Variants in GPC6 observed in about 807,000 individuals in gnomAD.
The protein encoded by GPC6 is glypican-6.
GPC6 carries 14 observed loss-of-function variants against 55.2 expected under a neutral mutation model. That is an observed-to-expected ratio of 0.25 (90% CI 0.17 to 0.40). The LOEUF is 0.40. GPC6 is among the 10% of genes least tolerant of loss of function. The pLI is 1.00. For synonymous variants in GPC6, 278 were observed against 259.6 expected (o/e 1.07, Z -0.68); for missense variants, 641 against 708.5 (o/e 0.90, Z 1.08).
chr13:93,443,624 G>C (rs1025431740), intron 1 of GPC6, among the ~76,000 whole-genome samples: 1 of 152,168 alleles, frequency 6.6e-6, no homozygotes, highest in Non-Finnish European at 1.5e-5. Context: ...TTTAAAATGA[G>C]AGTGAAATTT....
chr13:94,246,707 C>A (rs1371510563), intron 4 of GPC6, among the ~76,000 whole-genome samples: 1 of 151,946 alleles, frequency 6.6e-6, no homozygotes, highest in African/African-American at 2.4e-5. Flanking sequence ...TATTCTGTTC[C>A]ACTGGTCTAT....
chr13:93,926,358 A>G (rs1877859817), intron 3 of GPC6, among the ~76,000 whole-genome samples: 1 of 152,248 alleles, frequency 6.6e-6, no homozygotes, highest in Non-Finnish European at 1.5e-5. Flanking sequence ...TGCTAGAAAT[A>G]GACAAATAGT....
Position 93,832,789 on chromosome 13 carries a change from G to C in GPC6, c.711+2244G>C, listed in dbSNP as rs1353539807. On this transcript the variant is annotated intron_variant, in intron 3 of 8. Transcript: ENST00000377047. ...TGACCTCATGAGCCAACCATCAGTA[G>C]AGTATGACCTTTTTCTCTAGAAGTG... Among the ~76,000 whole-genome samples the C allele has an allele frequency of 2.6e-5, 4 of 152,170 alleles. No individual in the cohort carries two copies. In the East Asian group the frequency reaches 5.8e-4, roughly 22 times the overall value.
At chr13:94,332,006 CT>C (rs1373545909) in intron 6 of GPC6, among the ~76,000 whole-genome samples, 3 of 152,146 alleles carry the variant, frequency 2.0e-5, no homozygotes, top group Admixed American at 1.3e-4. Context: ...CCATCTGAGT[CT>C]CAGTCATTGC....
chr13:93,898,932 T>C lies in GPC6; in HGVS notation c.711+68387T>C, dbSNP rs1265729569. On this transcript the variant is annotated intron_variant, in intron 3 of 8. Transcript: ENST00000377047. ...GCAGATTTGGGATATATAAAAATAT[T>C]ATATATAAATATATATATATATATA... Among the ~76,000 whole-genome samples the C allele has an allele frequency of 4.5e-5, 4 of 88,444 alleles. No individual in the cohort carries two copies. The East Asian group carries it at 8.7e-4, about 19-fold the overall frequency. 58.0% of individuals were successfully genotyped at this position (88,444 alleles called of 152,430 possible). A position where few individuals can be genotyped will look rare whatever the true frequency, so the allele number is the denominator to read the frequency against.
At chr13:93,668,620 TG>T (rs1231612849) in intron 2 of GPC6, among the ~76,000 whole-genome samples, 1 of 152,078 alleles carries the variant, frequency 6.6e-6, no homozygotes, top group African/African-American at 2.4e-5. Context: ...GAGACCGCCA[TG>T]TGAATATGGA....
intron 2 of GPC6, among the ~76,000 whole-genome samples, chr13:93,702,554 C>G (rs1375346920): frequency 6.6e-6 from 1 of 151,984 alleles, no homozygotes; most frequent in Non-Finnish European, 1.5e-5. Context: ...ATTGATTTTT[C>G]CTCTCCAGCT....
At chr13:93,504,452 C>T (rs959990661) in intron 1 of GPC6, among the ~76,000 whole-genome samples, 1 of 150,198 alleles carries the variant, frequency 6.7e-6, no homozygotes, top group Non-Finnish European at 1.5e-5. Context: ...GCATATTCTG[C>T]CAACACATTA....
In GPC6 at chr13:93,993,076, G is replaced by T. The variant is rs550965052; in HGVS notation, c.712-34653G>T. On this transcript the variant is annotated intron_variant, in intron 3 of 8. Transcript: ENST00000377047. ...AATAAGCCCTTAGAGCTAGGAAATG[G>T]TAGTTGATTAGATTTTTTCCTTACT... 2.6e-5 allele frequency among the ~76,000 whole-genome samples: 4 copies of T among 152,188 alleles called. No homozygotes were observed. In the South Asian group the frequency reaches 8.3e-4, roughly 32 times the overall value.
At chr13:93,260,898 CT>C (rs1057246672) in intron 1 of GPC6, among the ~76,000 whole-genome samples, 2 of 151,926 alleles carry the variant, frequency 1.3e-5, no homozygotes, top group Non-Finnish European at 2.9e-5. Context: ...TATTTTCTTC[CT>C]TTTTTGGTAG....
chr13:93,804,358 G>A (rs56003695), intron 2 of GPC6, among the ~76,000 whole-genome samples: 4,398 of 151,996 alleles, frequency 0.029, 198 homozygotes, highest in East Asian at 0.16. Flanking sequence ...TAAGGAGTAG[G>A]GTCCACCATT....
chr13:94,326,829 G>A (rs1877144621), intron 6 of GPC6, among the ~76,000 whole-genome samples: 2 of 152,202 alleles, frequency 1.3e-5, no homozygotes, highest in South Asian at 2.1e-4. Flanking sequence ...AGGAGATTTC[G>A]AAGAGTCTTT....
intron 4 of GPC6, among the ~76,000 whole-genome samples, chr13:94,256,336 A>C (rs1891503385): frequency 6.6e-6 from 1 of 152,198 alleles, no homozygotes; most frequent in South Asian, 2.1e-4. Flanking sequence ...CTGGAGCAGA[A>C]TGAGGGGACC....
chr13:93,350,420 C>T (rs1276162168), intron 1 of GPC6, among the ~76,000 whole-genome samples: 3 of 151,998 alleles, frequency 2.0e-5, no homozygotes, highest in African/African-American at 4.8e-5. Context: ...GGTGACAGAG[C>T]GAGACTCCAT....
intron 4 of GPC6, among the ~76,000 whole-genome samples, chr13:94,211,945 CT>C (rs1433990251): frequency 1.3e-5 from 2 of 152,124 alleles, no homozygotes; most frequent in African/African-American, 2.4e-5. Flanking sequence ...TGCACAAATT[CT>C]TGGTTAAGGG....
At chr13:94,140,641 G>T (rs966478596) in intron 4 of GPC6, among the ~76,000 whole-genome samples, 1 of 152,044 alleles carries the variant, frequency 6.6e-6, no homozygotes, top group African/African-American at 2.4e-5. Flanking sequence ...ATTTAGACCC[G>T]AAGGCACTGT....
intron 1 of GPC6, among the ~76,000 whole-genome samples, chr13:93,476,403 G>T (rs1385962441): frequency 6.6e-6 from 1 of 152,012 alleles, no homozygotes; most frequent in Non-Finnish European, 1.5e-5. Context: ...TCATCCATTG[G>T]CATGTCAGTA....
chr13:93,533,132 G>A (rs1881931824), intron 1 of GPC6, among the ~76,000 whole-genome samples: 1 of 152,118 alleles, frequency 6.6e-6, no homozygotes, highest in Admixed American at 6.5e-5. Context: ...ACTGAAAAAT[G>A]TTGAAAAGTG....
intron 1 of GPC6, among the ~76,000 whole-genome samples, chr13:93,321,730 GAAGTTGCATCACT>G (rs1183969253): frequency 6.6e-6 from 1 of 152,126 alleles, no homozygotes; most frequent in Non-Finnish European, 1.5e-5. Flanking sequence ...ATAAATAAAA[GAAGTTGCATCACT>G]AAGGCACTGC....
Sources: allele counts gnomAD v4.1 joint callset (sites outside exome capture counted in the v4.1 genomes callset), GRCh38; gene constraint gnomAD v4.1.1; transcripts MANE v1.5; gene names NCBI Gene and HGNC (gene_info 2026-07-23, HGNC 2026-07-21).